The following AKAIN1 variants were observed in gnomAD, a reference collection of about 807,000 sequenced individuals.
The protein encoded by AKAIN1 is A-kinase anchor inhibitor 1.
AKAIN1 carries 3 observed loss-of-function variants against 3.7 expected under a neutral mutation model. That is an observed-to-expected ratio of 0.82 (90% CI 0.37 to 2.12). The LOEUF is 2.12. AKAIN1 is among the 30% of genes most tolerant of loss of function. The pLI is 0.06. For synonymous variants in AKAIN1, 31 were observed against 30.8 expected, an observed-to-expected ratio of 1.01 and a Z score of -0.02; for missense variants, 82 against 82.7, an observed-to-expected ratio of 0.99 and a Z score of 0.03.
chr18:5,169,245 A>G (rs1006483457), intron 1 of AKAIN1, among the ~76,000 whole-genome samples: 2 of 152,086 alleles, frequency 1.3e-5, no homozygotes, highest in African/African-American at 2.4e-5. Context: ...CGTTATGGAG[A>G]GTCATATGCT....
Position 5,184,563 on chromosome 18 carries a change from C to A in AKAIN1, c.16+12475G>T, listed in dbSNP as rs531226223. On this transcript the variant is annotated intron_variant, in intron 1 of 1. Coordinates refer to ENST00000434239, the MANE Select transcript of AKAIN1 (RefSeq NM_001145194.2). ...ACACCAATAACCTCGAAGCTGAGAGCCAAATTGAGAATGCAATCCCATTCA... is the reference window on the plus strand; with the variant it reads ...ACACCAATAACCTCGAAGCTGAGAGACAAATTGAGAATGCAATCCCATTCA... Among the ~76,000 whole-genome samples, 281 of 151,992 alleles carry A rather than the reference C, an allele frequency of 1.8e-3. 1 individual carries two copies. Among genetic ancestry groups the A allele is most frequent in the African/African-American group, 6.5e-3 (270 of 41,476 alleles).
chr18:5,168,345 G>A (rs1328676721), intron 1 of AKAIN1, among the ~76,000 whole-genome samples: 1 of 152,084 alleles, frequency 6.6e-6, no homozygotes, highest in Non-Finnish European at 1.5e-5. Context: ...AGCCAAAGAG[G>A]CTACCATTGC....
chr18:5,164,499 T>C (rs1407558781), intron 1 of AKAIN1, among the ~76,000 whole-genome samples: 3 of 152,054 alleles, frequency 2.0e-5, no homozygotes, highest in Non-Finnish European at 4.4e-5. Flanking sequence ...ATTTCTACTT[T>C]ATTATCTCTA....
At chr18:5,196,795 G>A (rs1015491806) in intron 1 of AKAIN1, among the ~76,000 whole-genome samples, 4 of 152,218 alleles carry the variant, frequency 2.6e-5, no homozygotes, top group African/African-American at 9.6e-5. Context: ...GGAGCCAGAT[G>A]GGAAGAGAAG....
intron 1 of AKAIN1, among the ~76,000 whole-genome samples, chr18:5,176,997 A>T (rs1003941543): frequency 1.3e-5 from 2 of 151,388 alleles, no homozygotes; most frequent in Non-Finnish European, 2.9e-5. Flanking sequence ...TGGTCTCGGG[A>T]TGCAATGAAA....
At chr18:5,155,599 A>T (rs1300002426) in intron 1 of AKAIN1, among the ~76,000 whole-genome samples, 1 of 152,154 alleles carries the variant, frequency 6.6e-6, no homozygotes, top group Non-Finnish European at 1.5e-5. Context: ...CAAATGTATG[A>T]ACCGCGTCAT....
In AKAIN1 at chr18:5,152,778, C is replaced by T. The variant is rs554472440; in HGVS notation, c.17-7023G>A. ...CCCTGAGTGGCAAGTCCCTGATCTGCGTAACAAAAGCAGGGCCAGAGAGGA... is the reference window on the plus strand; with the variant it reads ...CCCTGAGTGGCAAGTCCCTGATCTGTGTAACAAAAGCAGGGCCAGAGAGGA... On this transcript the variant is annotated intron_variant, in intron 1 of 1. Coordinates refer to ENST00000434239, the MANE Select transcript of AKAIN1 (RefSeq NM_001145194.2). Among the ~76,000 whole-genome samples, 21 of 152,264 alleles carry T rather than the reference C, an allele frequency of 1.4e-4. No homozygotes were observed. In the South Asian group the frequency reaches 1.7e-3, roughly 12 times the overall value.
chr18:5,145,592 C>T lies in AKAIN1; in HGVS notation c.180G>A (p.Gly60=), dbSNP rs2071043935. The change falls in exon 2 of 2, where the codon GGG becomes GGA. Residue 60 remains glycine, a synonymous_variant. Coordinates refer to ENST00000434239, the MANE Select transcript of AKAIN1 (RefSeq NM_001145194.2). ...TCTTTTCGTGCTTCTTGGTTAACTC[C>T]CCAACGCCCAGTTGGATGTGGTCCC... is the stretch of plus-strand genomic sequence containing the variant. ...DNRDHIQLGV[G]ELTKKHEKK 1.9e-6 allele frequency: 3 copies of T among 1,551,538 alleles called. No homozygotes were observed. The highest frequency in any genetic ancestry group is 1.2e-5 in the South Asian group (1 of 84,050).
intron 1 of AKAIN1, among the ~76,000 whole-genome samples, chr18:5,151,675 CT>C (rs2071081006): frequency 6.6e-6 from 1 of 152,202 alleles, no homozygotes; most frequent in South Asian, 2.1e-4. Flanking sequence ...AGAGTCACCC[CT>C]GACTCTACCT....
intron 1 of AKAIN1, among the ~76,000 whole-genome samples, chr18:5,190,471 T>G (rs915071819): frequency 1.3e-5 from 2 of 152,206 alleles, no homozygotes; most frequent in Non-Finnish European, 2.9e-5. Flanking sequence ...TTATAATTAA[T>G]GACCTCCCTA....
chr18:5,173,633 G>A (rs2071209882), intron 1 of AKAIN1, among the ~76,000 whole-genome samples: 1 of 152,148 alleles, frequency 6.6e-6, no homozygotes, highest in South Asian at 2.1e-4. Context: ...GGCGCATAAT[G>A]ATTGACTAAT....
At position 5,162,625 on chromosome 18, in the gene AKAIN1, CGTGTGTGTGTGTGTGTGT is replaced by C. The variant is rs150673471; in HGVS notation, c.17-16888_17-16871del. Among the ~76,000 whole-genome samples, 15 of 145,772 alleles carry C rather than the reference CGTGTGTGTGTGTGTGTGT, an allele frequency of 1.0e-4. 1 individual carries two copies. Among genetic ancestry groups the C allele is most frequent in the Admixed American group, 9.0e-4 (13 of 14,442 alleles). ...ACTCTATGAAGAGTTCAATGTGATGCGTGTGTGTGTGTGTGTGTGTGTGTGTGTGTGTGTGTGTGTAGC... is the reference window on the plus strand; with the variant it reads ...ACTCTATGAAGAGTTCAATGTGATGCGTGTGTGTGTGTGTGTGTGTGTAGC... On this transcript the variant is annotated intron_variant, in intron 1 of 1. Transcript: ENST00000434239.
intron 1 of AKAIN1, among the ~76,000 whole-genome samples, chr18:5,151,999 C>A (rs1259119818): frequency 6.6e-6 from 1 of 152,158 alleles, no homozygotes; most frequent in Non-Finnish European, 1.5e-5. Flanking sequence ...CTAGAAGAGT[C>A]AGATGTTAAC....
chr18:5,197,248 C>T lies in AKAIN1; in HGVS notation c.-195G>A. ...GCTCCAGCCGCCGCCGCGCGCTCTGCCTCCACAATGCGGCCACAGCGGCGG... is the reference window on the plus strand; with the variant it reads ...GCTCCAGCCGCCGCCGCGCGCTCTGTCTCCACAATGCGGCCACAGCGGCGG... On this transcript the variant is annotated 5_prime_UTR_variant, in exon 1 of 2. Transcript: ENST00000434239. This position sits in a 1 kb window ranked among gnomAD's most constrained non-coding sequence, Gnocchi z 6.9. 1 of 1,381,368 alleles carries T rather than the reference C, an allele frequency of 7.2e-7. No individual in the cohort carries two copies. The highest frequency in any genetic ancestry group is 1.5e-5 in the African/African-American group (1 of 65,266). The allele number at this position is 1,381,368 out of a possible 1,614,324, so 85.6% of individuals were successfully genotyped here.
chr18:5,161,910 G>A (rs966161083), intron 1 of AKAIN1, among the ~76,000 whole-genome samples: 2 of 152,058 alleles, frequency 1.3e-5, no homozygotes, highest in Non-Finnish European at 2.9e-5. Flanking sequence ...TTCATAGATT[G>A]CTGGATTTGT....
intron 1 of AKAIN1, among the ~76,000 whole-genome samples, chr18:5,149,500 C>T (rs1381725718): frequency 1.3e-5 from 2 of 152,192 alleles, no homozygotes; most frequent in Non-Finnish European, 2.9e-5. Flanking sequence ...CAGTATACTC[C>T]AGTTATTGTA....
At chr18:5,176,121 G>C (rs1353037222) in intron 1 of AKAIN1, among the ~76,000 whole-genome samples, 2 of 152,086 alleles carry the variant, frequency 1.3e-5, no homozygotes, top group East Asian at 3.9e-4. Context: ...GCCCTAGACA[G>C]TCTTTACCAA....
intron 1 of AKAIN1, among the ~76,000 whole-genome samples, chr18:5,179,417 A>ATG (rs199860887): frequency 8.7e-4 from 89 of 101,846 alleles, no homozygotes; most frequent in Non-Finnish European, 1.4e-3. Context: ...GTATGTATGT[A>ATG]TGTGTGTATA....
chr18:5,190,962 T>C (rs1252605853), intron 1 of AKAIN1, among the ~76,000 whole-genome samples: 1 of 152,146 alleles, frequency 6.6e-6, no homozygotes, highest in Admixed American at 6.5e-5. Flanking sequence ...GAGGGAACAT[T>C]TGAAAATATT....
Sources: allele counts gnomAD v4.1 joint callset (sites outside exome capture counted in the v4.1 genomes callset), GRCh38; gene constraint gnomAD v4.1.1; non-coding constraint Gnocchi (gnomAD v3.1); transcripts MANE v1.5; gene names NCBI Gene and HGNC (gene_info 2026-07-23, HGNC 2026-07-21).